Variants in SAMD13 observed in about 807,000 individuals in gnomAD.
The protein encoded by SAMD13 is sterile alpha motif domain-containing protein 13.
A neutral mutation model predicts 12.4 loss-of-function variants in SAMD13; 9 were observed. The ratio of observed to expected loss-of-function variants is 0.72; its 90% CI spans 0.44 to 1.26. The LOEUF is 1.26. SAMD13 is among the 50% of genes most tolerant of loss of function. SAMD13 has a pLI of 0.00. For missense variants in SAMD13, 84 were observed against 119.6 expected, an observed-to-expected ratio of 0.70 and a Z score of 1.39; for synonymous variants, 46 against 45.4, an observed-to-expected ratio of 1.01 and a Z score of -0.05.
chr1:84,349,963 A>G lies in SAMD13; in HGVS notation c.*189A>G. 1 of 1,282,296 alleles carries G rather than the reference A, an allele frequency of 7.8e-7. No individual in the cohort carries two copies. The highest frequency in any genetic ancestry group is 1.5e-5 in the African/African-American group (1 of 67,178). The allele number at this position is 1,282,296 out of a possible 1,614,324, so 79.4% of individuals were successfully genotyped here. A position where few individuals can be genotyped will look rare whatever the true frequency, so the allele number is the denominator to read the frequency against. On this transcript the variant is annotated 3_prime_UTR_variant, in exon 4 of 4. Transcript: ENST00000394834. Reference sequence around the variant, plus strand: ...CTGAAATCAGCCAGGAGGAGCAAGGACAAGATGCGCACAGGGTGGTTTTCC... The same window carrying G: ...CTGAAATCAGCCAGGAGGAGCAAGGGCAAGATGCGCACAGGGTGGTTTTCC...
intron 2 of SAMD13, among the ~76,000 whole-genome samples, chr1:84,309,378 A>T (rs188768216): frequency 6.6e-6 from 1 of 152,206 alleles, no homozygotes; most frequent in Non-Finnish European, 1.5e-5. Flanking sequence ...ATTGAGACAC[A>T]TATGTCAGGT....
At chr1:84,320,185 A>G (rs981113246) in intron 2 of SAMD13, among the ~76,000 whole-genome samples, 1 of 152,168 alleles carries the variant, frequency 6.6e-6, no homozygotes, top group African/African-American at 2.4e-5. Context: ...GTTTCTTTAT[A>G]ATGAGCAGGA....
chr1:84,312,802 CTCAA>C (rs1678743092), intron 2 of SAMD13, among the ~76,000 whole-genome samples: 1 of 152,108 alleles, frequency 6.6e-6, no homozygotes, highest in Non-Finnish European at 1.5e-5. Context: ...AACTTAGTTC[CTCAA>C]TCAAACTTCA....
intron 2 of SAMD13, among the ~76,000 whole-genome samples, chr1:84,310,748 CAT>C (rs1678690081): frequency 6.6e-6 from 1 of 152,154 alleles, no homozygotes; most frequent in South Asian, 2.1e-4. Flanking sequence ...TTTGCTAACA[CAT>C]GTCAATATTA....
At chr1:84,301,091 A>C (rs968719910), upstream of SAMD13, among the ~76,000 whole-genome samples, 2 of 152,210 alleles carry the variant, frequency 1.3e-5, no homozygotes, top group African/African-American at 4.8e-5. Flanking sequence ...AAAATAAAAG[A>C]ATGTGGGCGT....
intron 3 of SAMD13, among the ~76,000 whole-genome samples, chr1:84,328,543 G>A (rs1004285428): frequency 6.6e-6 from 1 of 152,128 alleles, no homozygotes; most frequent in Non-Finnish European, 1.5e-5. Flanking sequence ...GGACTGGAGG[G>A]CAGGGAGGGA....
intron 3 of SAMD13, among the ~76,000 whole-genome samples, chr1:84,345,479 C>A (rs1299442982): frequency 1.3e-5 from 2 of 152,190 alleles, no homozygotes; most frequent in African/African-American, 4.8e-5. Context: ...GGCAGAGCAT[C>A]CATCCCCAGT....
chr1:84,332,783 T>A (rs1332164929), intron 3 of SAMD13, among the ~76,000 whole-genome samples: 3 of 152,244 alleles, frequency 2.0e-5, no homozygotes, highest in African/African-American at 7.2e-5. Flanking sequence ...TTTTGGCGTC[T>A]TTATCATGAA....
intron 1 of SAMD13, chr1:84,302,104 T>C: frequency 6.6e-6 from 1 of 152,194 alleles, no homozygotes; most frequent in Non-Finnish European, 1.5e-5. Flanking sequence ...TGGAAGTTTG[T>C]GTGTATGTGT....
chr1:84,303,296 A>G lies in SAMD13; in HGVS notation c.53+9A>G. On this transcript the variant is annotated intron_variant, in intron 2 of 3. Coordinates refer to ENST00000394834, the MANE Select transcript of SAMD13 (RefSeq NM_001134663.2). Reference sequence around the variant, plus strand: ...TCTGTCGGTGTAAAAAAGTAAGTGAAGCTGGCTTCTGAGTTCTGCTTCTGC... The same window carrying G: ...TCTGTCGGTGTAAAAAAGTAAGTGAGGCTGGCTTCTGAGTTCTGCTTCTGC... 2 of 1,609,096 alleles carry G rather than the reference A, an allele frequency of 1.2e-6. No individual in the cohort carries two copies. The highest frequency in any genetic ancestry group is 1.7e-6 in the Non-Finnish European group (2 of 1,175,838).
intron 2 of SAMD13, among the ~76,000 whole-genome samples, chr1:84,314,871 T>C (rs1416014634): frequency 6.6e-6 from 1 of 152,080 alleles, no homozygotes; most frequent in East Asian, 1.9e-4. Context: ...CTAGCCAGGA[T>C]CTGATGTTGT....
intron 2 of SAMD13, among the ~76,000 whole-genome samples, chr1:84,315,479 G>A (rs540916145): frequency 7.9e-5 from 12 of 151,834 alleles, no homozygotes; most frequent in East Asian, 1.9e-4. Flanking sequence ...TCTTTTTTGC[G>A]GTGGGTCTCC....
chr1:84,319,881 T>G (rs1386002444), intron 2 of SAMD13, among the ~76,000 whole-genome samples: 1 of 152,158 alleles, frequency 6.6e-6, no homozygotes, highest in Non-Finnish European at 1.5e-5. Flanking sequence ...TCCATCTGTC[T>G]GGAGTGCCTG....
At chr1:84,303,502 A>C in intron 2 of SAMD13, 1 of 421,708 alleles carries the variant, frequency 2.4e-6, no homozygotes, top group Non-Finnish European at 4.5e-6. Flanking sequence ...CAAAATATAT[A>C]TGAAAGGTTT....
rs1678575690 is a variant in SAMD13 at position 84,306,481 on chromosome 1, A to G, written c.53+3194A>G. Among the ~76,000 whole-genome samples the G allele has an allele frequency of 2.6e-5, 4 of 151,806 alleles. No homozygotes were observed. In the South Asian group the frequency reaches 8.3e-4, roughly 32 times the overall value. Reference sequence around the variant, plus strand: ...TATTTCTTTCTCCTTTATTACACTGAGTAGAACCTTCAGTGAAAAGTTGAA... The same window carrying G: ...TATTTCTTTCTCCTTTATTACACTGGGTAGAACCTTCAGTGAAAAGTTGAA... On this transcript the variant is annotated intron_variant, in intron 2 of 3. Coordinates refer to ENST00000394834, the MANE Select transcript of SAMD13 (RefSeq NM_001134663.2).
chr1:84,302,165 A>G (rs890436406), intron 1 of SAMD13, among the ~76,000 whole-genome samples: 1 of 152,170 alleles, frequency 6.6e-6, no homozygotes, highest in Non-Finnish European at 1.5e-5. Flanking sequence ...TTTGTTAATC[A>G]TCTACTTCTC....
Position 84,333,322 on chromosome 1 carries a change from C to T in SAMD13, c.165+7574C>T, listed in dbSNP as rs909841077. ...GGCAGTATGGCCATTTTAATGATATCGATTATTTTTATCCAAGAGCATGGA... is the reference window on the plus strand; with the variant it reads ...GGCAGTATGGCCATTTTAATGATATTGATTATTTTTATCCAAGAGCATGGA... On this transcript the variant is annotated intron_variant, in intron 3 of 3. Coordinates refer to ENST00000394834, the MANE Select transcript of SAMD13 (RefSeq NM_001134663.2). Among the ~76,000 whole-genome samples, 14 of 151,922 alleles carry T rather than the reference C, an allele frequency of 9.2e-5. No individual in the cohort carries two copies. In the South Asian group the frequency reaches 1.0e-3, roughly 11 times the overall value.
chr1:84,346,679 C>T (rs1053340257), intron 3 of SAMD13, among the ~76,000 whole-genome samples: 1 of 152,220 alleles, frequency 6.6e-6, no homozygotes, highest in Non-Finnish European at 1.5e-5. Flanking sequence ...GTCCCAAGCT[C>T]ATTGTAGCAC....
chr1:84,321,633 T>A (rs1396628562), intron 2 of SAMD13, among the ~76,000 whole-genome samples: 1 of 152,194 alleles, frequency 6.6e-6, no homozygotes. Flanking sequence ...GTGGCGAGAA[T>A]GGACCATTTA....
Sources: gnomAD v4.1 joint callset for allele counts (sites outside exome capture counted in the v4.1 genomes callset) on GRCh38, gnomAD v4.1.1 for gene constraint, MANE v1.5 for transcripts, NCBI Gene and HGNC (gene_info 2026-07-23, HGNC 2026-07-21) for gene names.